The following PRKCE variants were observed in gnomAD, a reference collection of about 807,000 sequenced individuals.
PRKCE encodes protein kinase C epsilon, also known as protein kinase C epsilon type.
A neutral mutation model predicts 85.4 loss-of-function variants in PRKCE; 16 were observed. That is an observed-to-expected ratio of 0.19 (90% CI 0.13 to 0.28). The LOEUF (loss-of-function observed/expected upper bound fraction) is 0.28. PRKCE is among the 10% of genes least tolerant of loss of function. The pLI is 1.00. For missense variants in PRKCE, 573 were observed against 975.2 expected (o/e 0.59, Z 5.49); for synonymous variants, 388 against 371.5 (o/e 1.04, Z -0.51).
chr2:45,944,066 C>G (rs1043147179), intron 2 of PRKCE, among the ~76,000 whole-genome samples: 6 of 152,198 alleles, frequency 3.9e-5, no homozygotes, highest in African/African-American at 1.4e-4. Flanking sequence ...TATTATGAAT[C>G]TATTCCAGGA....
intron 1 of PRKCE, among the ~76,000 whole-genome samples, chr2:45,800,649 G>T (rs937478344): frequency 2.0e-5 from 3 of 152,210 alleles, no homozygotes; most frequent in African/African-American, 4.8e-5. Context: ...TGGGCAAGGG[G>T]TCAAGTCCAT....
chr2:45,762,110 C>G (rs532399751), intron 1 of PRKCE, among the ~76,000 whole-genome samples: 1 of 152,118 alleles, frequency 6.6e-6, no homozygotes, highest in Non-Finnish European at 1.5e-5. Context: ...ACCATTTTAT[C>G]GTATCAAAAA....
At chr2:45,656,366 A>T (rs926526143) in intron 1 of PRKCE, among the ~76,000 whole-genome samples, 3 of 152,248 alleles carry the variant, frequency 2.0e-5, no homozygotes, top group African/African-American at 7.2e-5. Flanking sequence ...GAAAAAGTTT[A>T]GAAAACTGAG....
At chr2:45,728,076 C>T (rs1000450017) in intron 1 of PRKCE, among the ~76,000 whole-genome samples, 1 of 152,130 alleles carries the variant, frequency 6.6e-6, no homozygotes, top group Non-Finnish European at 1.5e-5. Flanking sequence ...TCTGTTTAAG[C>T]GTATCTTTTC....
In PRKCE at chr2:45,786,789, C is replaced by T. The variant is rs1220998428; in HGVS notation, c.349-56211C>T. Among the ~76,000 whole-genome samples, 5 of 152,200 alleles carry T rather than the reference C, an allele frequency of 3.3e-5. No individual in the cohort carries two copies. Among genetic ancestry groups the T allele is most frequent in the African/African-American group, 4.8e-5 (2 of 41,436 alleles). On this transcript the variant is annotated intron_variant, in intron 1 of 14. Coordinates refer to ENST00000306156, the MANE Select transcript of PRKCE (RefSeq NM_005400.3). The surrounding 1 kb of genome is among the most constrained non-coding windows in gnomAD (Gnocchi z 5.3). ...ATCCTCCAACAGTTCAGTGAGGTAA[C>T]CACTACCCTCACCCCCGTTTTACAG... is the stretch of plus-strand genomic sequence containing the variant.
chr2:46,009,282 G>T (rs1043362530), intron 9 of PRKCE, among the ~76,000 whole-genome samples: 1 of 152,032 alleles, frequency 6.6e-6, no homozygotes, highest in Non-Finnish European at 1.5e-5. Flanking sequence ...TATAAAACAG[G>T]CTTAGAAAAC....
chr2:45,681,157 C>G (rs1676859087), intron 1 of PRKCE, among the ~76,000 whole-genome samples: 1 of 151,678 alleles, frequency 6.6e-6, no homozygotes, highest in Non-Finnish European at 1.5e-5. Context: ...GGTGTGGTAG[C>G]ATGCACCTGT....
rs976620278 is a variant in PRKCE, at chr2:45,774,374, G to A, written c.349-68626G>A. 5.3e-5 allele frequency among the ~76,000 whole-genome samples: 8 copies of A among 152,160 alleles called. No individual in the cohort carries two copies. Among genetic ancestry groups the A allele is most frequent in the African/African-American group, 1.4e-4 (6 of 41,440 alleles). The stretch of plus-strand genomic sequence containing the variant: ...AGTGCTCACTAAATAGGTGTTGAAC[G>A]GAGGTGTGAACCCAGGATGAGGCAG... On this transcript the variant is annotated intron_variant, in intron 1 of 14. Coordinates refer to ENST00000306156, the MANE Select transcript of PRKCE (RefSeq NM_005400.3). The surrounding 1 kb of genome is among the most constrained non-coding windows in gnomAD (Gnocchi z 4.3).
chr2:45,744,957 T>G (rs1357827444), intron 1 of PRKCE, among the ~76,000 whole-genome samples: 1 of 152,292 alleles, frequency 6.6e-6, no homozygotes, highest in East Asian at 1.9e-4. Flanking sequence ...GAGTCTCTTG[T>G]GGTGCTCTGA....
chr2:46,031,695 T>C (rs538325490), intron 10 of PRKCE, among the ~76,000 whole-genome samples: 1 of 151,284 alleles, frequency 6.6e-6, no homozygotes, highest in Non-Finnish European at 1.5e-5. Flanking sequence ...CCTGTGGCAG[T>C]GATGGTAATG....
intron 1 of PRKCE, among the ~76,000 whole-genome samples, chr2:45,831,045 A>G (rs779609377): frequency 6.6e-6 from 1 of 152,258 alleles, no homozygotes; most frequent in Admixed American, 6.5e-5. Context: ...GTCAGCTCAG[A>G]TCAGGGAGAA....
intron 11 of PRKCE, among the ~76,000 whole-genome samples, chr2:46,091,560 A>T (rs1670171477): frequency 6.6e-6 from 1 of 152,224 alleles, no homozygotes; most frequent in African/African-American, 2.4e-5. Context: ...AGCGCTGTGC[A>T]GCAGAGGGTG....
At chr2:46,021,661 A>G (rs141442297) in intron 10 of PRKCE, among the ~76,000 whole-genome samples, 19 of 152,330 alleles carry the variant, frequency 1.2e-4, no homozygotes, top group African/African-American at 4.6e-4. Flanking sequence ...GTCACAGTTC[A>G]GTTGGCACAT....
At chr2:45,861,884 G>C (rs188519334) in intron 2 of PRKCE, among the ~76,000 whole-genome samples, 1 of 152,270 alleles carries the variant, frequency 6.6e-6, no homozygotes, top group East Asian at 1.9e-4. Flanking sequence ...TATTAATGAA[G>C]AGAGGTTTTG....
intron 10 of PRKCE, among the ~76,000 whole-genome samples, chr2:46,013,930 G>A (rs1705901930): frequency 6.6e-6 from 1 of 152,166 alleles, no homozygotes; most frequent in African/African-American, 2.4e-5. Flanking sequence ...GGTGACCAAT[G>A]GCAATGGTCA....
At chr2:45,658,110 G>C (rs1347616333) in intron 1 of PRKCE, among the ~76,000 whole-genome samples, 6 of 152,146 alleles carry the variant, frequency 3.9e-5, no homozygotes, top group South Asian at 4.1e-4. Flanking sequence ...GACTACTAAG[G>C]GGGTAAGGAG....
intron 11 of PRKCE, among the ~76,000 whole-genome samples, chr2:46,096,863 C>T (rs991167810): frequency 6.6e-6 from 1 of 152,144 alleles, no homozygotes; most frequent in Non-Finnish European, 1.5e-5. Flanking sequence ...AAAATGGCTC[C>T]ACTAATGTAT....
intron 1 of PRKCE, among the ~76,000 whole-genome samples, chr2:45,736,490 CT>C (rs1344924957): frequency 2.0e-5 from 3 of 152,258 alleles, no homozygotes; most frequent in African/African-American, 7.2e-5. Context: ...AAAAATCAGT[CT>C]ATTAGGCAAA....
At chr2:45,738,463 A>C (rs539441574) in intron 1 of PRKCE, among the ~76,000 whole-genome samples, 4 of 152,304 alleles carry the variant, frequency 2.6e-5, no homozygotes, top group African/African-American at 9.6e-5. Context: ...CACTGTTTGA[A>C]ATCCCACTGT....
Sources: gnomAD v4.1 joint callset for allele counts (sites outside exome capture counted in the v4.1 genomes callset) on GRCh38, gnomAD v4.1.1 for gene constraint, Gnocchi (gnomAD v3.1) non-coding constraint, MANE v1.5 for transcripts, NCBI Gene and HGNC (gene_info 2026-07-23, HGNC 2026-07-21) for gene names.